ACVR1C: variants seen among roughly 807,000 people sequenced by gnomAD.
The protein encoded by ACVR1C is activin A receptor type 1C, also known as activin receptor type-1C.
A neutral mutation model predicts 57.9 loss-of-function variants in ACVR1C; 23 were observed. The observed-to-expected ratio is 0.40, with a 90% CI of 0.29 to 0.56. The LOEUF is 0.56. Ranked by LOEUF, ACVR1C falls within the 20% of genes least tolerant of loss-of-function variation. The pLI is 0.50. For synonymous variants in ACVR1C, 214 were observed against 215.3 expected (o/e 0.99, Z 0.05); for missense variants, 480 against 607.9 (o/e 0.79, Z 2.21).
intron 8 of ACVR1C, 41 bp from the exon 9 acceptor site, chr2:157,534,084 T>C (rs1422551405): frequency 9.8e-6 from 14 of 1,434,458 alleles, no homozygotes; most frequent in Admixed American, 2.7e-5. Context: ...TTAGCTACTC[T>C]ACATAAAACA....
chr2:157,554,264 AAAGAAAGG>A (rs1194277286), intron 3 of ACVR1C, among the ~76,000 whole-genome samples: 31 of 127,470 alleles, frequency 2.4e-4, no homozygotes, highest in East Asian at 6.3e-4. Context: ...AGAAAGAAAG[AAAGAAAGG>A]AAGGAAGGAA....
Position 157,529,389 on chromosome 2 carries a change from G to C in ACVR1C, c.*4529C>G, listed in dbSNP as rs1215172655. 6.6e-6 allele frequency: 1 copy of C among 152,036 alleles called. No individual in the cohort carries two copies. Among genetic ancestry groups the C allele is most frequent in the Non-Finnish European group, 1.5e-5 (1 of 67,988 alleles). The allele number at this position is 152,036 out of a possible 1,614,324, so 9.4% of individuals were successfully genotyped here. On this transcript the variant is annotated 3_prime_UTR_variant, in exon 9 of 9. Transcript: ENST00000243349. ...CACTCTGAGTGAGTAAATTATTTTA[G>C]TAGAAACCCAAAGAAAAGTGGGATT... is the stretch of plus-strand genomic sequence containing the variant.
chr2:157,584,306 AGGTTAGCCAGGAT>A (rs1013667483), intron 2 of ACVR1C, among the ~76,000 whole-genome samples: 1 of 152,036 alleles, frequency 6.6e-6, no homozygotes, highest in Non-Finnish European at 1.5e-5. Context: ...GGGTTTCACC[AGGTTAGCCAGGAT>A]GGTCTCGATC....
intron 1 of ACVR1C, among the ~76,000 whole-genome samples, chr2:157,603,460 T>G (rs16841890): frequency 0.02 from 3,022 of 152,246 alleles, 126 homozygotes; most frequent in African/African-American, 0.068. Context: ...CTGTAGAGAC[T>G]GCAGATGCAA....
intron 1 of ACVR1C, among the ~76,000 whole-genome samples, chr2:157,620,092 T>C (rs947587898): frequency 3.9e-5 from 6 of 152,084 alleles, no homozygotes; most frequent in African/African-American, 1.4e-4. Context: ...GTCAACTTTC[T>C]TCTCTCTACA....
chr2:157,552,117 T>C (rs1389972168), intron 3 of ACVR1C, among the ~76,000 whole-genome samples: 2 of 152,072 alleles, frequency 1.3e-5, no homozygotes, highest in East Asian at 3.9e-4. Flanking sequence ...CTGTTTTTGT[T>C]TGTTGGTTTG....
At chr2:157,564,907 G>A (rs1688323956) in intron 2 of ACVR1C, among the ~76,000 whole-genome samples, 1 of 152,094 alleles carries the variant, frequency 6.6e-6, no homozygotes, top group Non-Finnish European at 1.5e-5. Flanking sequence ...GTTGAACAAT[G>A]AGAACACATG....
rs1434000366 is a variant in ACVR1C at position 157,628,580 on chromosome 2, A to G, written c.65T>C (p.Leu22Pro). The change falls in exon 1 of 9, where the codon CTC becomes CCC. Residue 22 changes from leucine to proline, a missense_variant. By Grantham distance (98) the Leu-to-Pro change is moderately conservative. Coordinates refer to ENST00000243349, the MANE Select transcript of ACVR1C (RefSeq NM_145259.3). ...AGAAACCAGCACCGTACCTGGCGAG[A>G]GCTCGGCGGCCGCTGCGAGCAGCAG... ...ALLLLAAAAE[L>P]SPGLKCVCLL... 6.2e-7 allele frequency: 1 copy of G among 1,607,532 alleles called. No individual in the cohort carries two copies. The highest frequency in any genetic ancestry group is 8.5e-7 in the Non-Finnish European group (1 of 1,177,638).
At chr2:157,543,782 A>G (rs1217081392) in intron 5 of ACVR1C, among the ~76,000 whole-genome samples, 1 of 152,192 alleles carries the variant, frequency 6.6e-6, no homozygotes, top group African/African-American at 2.4e-5. Flanking sequence ...TTTCAAAATC[A>G]TATTATACTT....
chr2:157,592,539 G>T (rs369953748), intron 1 of ACVR1C, among the ~76,000 whole-genome samples: 1 of 152,006 alleles, frequency 6.6e-6, no homozygotes, highest in Non-Finnish European at 1.5e-5. Context: ...ATTTATTCCA[G>T]TTCAACTGGC....
At chr2:157,556,429 A>C in intron 2 of ACVR1C, 97 bp from the exon 3 acceptor site, 1 of 1,485,490 alleles carries the variant, frequency 6.7e-7, no homozygotes. Flanking sequence ...CATCCAGAAT[A>C]TTCAGCTACA....
In ACVR1C at chr2:157,598,685, G is replaced by T. The variant is rs1682200366; in HGVS notation, c.74-11268C>A. Among the ~76,000 whole-genome samples the T allele has an allele frequency of 2.6e-5, 4 of 151,692 alleles. No homozygotes were observed. In the South Asian group the frequency reaches 8.3e-4, roughly 32 times the overall value. On this transcript the variant is annotated intron_variant, in intron 1 of 8. Coordinates refer to ENST00000243349, the MANE Select transcript of ACVR1C (RefSeq NM_145259.3). ...CTTCCGAGTAGCTGGGATTACAGGC[G>T]CTCACCACCCACCAGGCTAATTTTG... is the stretch of plus-strand genomic sequence containing the variant.
In ACVR1C at chr2:157,556,468, G is replaced by C. The variant is rs1276725483; in HGVS notation, c.305-136C>G. On this transcript the variant is annotated intron_variant, in intron 2 of 8. Transcript: ENST00000243349. ...TATGCACTTATGTTCATTGGTAAAG[G>C]CTCTCTGTGGTATAAGCAAAGATGG... is the stretch of plus-strand genomic sequence containing the variant. 2.6e-6 allele frequency: 3 copies of C among 1,139,170 alleles called. No homozygotes were observed. In the African/African-American group the frequency reaches 4.7e-5, roughly 18 times the overall value. The allele number at this position is 1,139,170 out of a possible 1,614,324, so 70.6% of individuals were successfully genotyped here.
Position 157,533,839 on chromosome 2 carries a change from A to T in ACVR1C, c.*79T>A. On this transcript the variant is annotated 3_prime_UTR_variant, in exon 9 of 9. Transcript: ENST00000243349. ...TTATCTTTGAGGTAGAACAAAAAAAAAATGGCAAAAACATTCACATAAAGG... is the reference window on the plus strand; with the variant it reads ...TTATCTTTGAGGTAGAACAAAAAAATAATGGCAAAAACATTCACATAAAGG... 2 of 1,400,344 alleles carry T rather than the reference A, an allele frequency of 1.4e-6. No individual in the cohort carries two copies. The highest frequency in any genetic ancestry group is 1.9e-6 in the Non-Finnish European group (2 of 1,066,348). The allele number at this position is 1,400,344 out of a possible 1,614,324, so 86.7% of individuals were successfully genotyped here. A position where few individuals can be genotyped will look rare whatever the true frequency, so the allele number is the denominator to read the frequency against.
chr2:157,587,240 G>C lies in ACVR1C; in HGVS notation c.251C>G (p.Thr84Ser), dbSNP rs755701873. The change falls in exon 2 of 9, where the codon ACC becomes AGC. Residue 84 changes from threonine to serine, a missense_variant. Transcript: ENST00000243349. ...FCHSSNNVTK[T>S]ECCFTDFCNN... ...GCAAAAATCTGTGAAGCAGCATTCG[G>C]TTTTGGTAACATTGTTGGAACTATG... is the stretch of plus-strand genomic sequence containing the variant. 6.2e-7 allele frequency: 1 copy of C among 1,613,590 alleles called. No homozygotes were observed. Among genetic ancestry groups the C allele is most frequent in the Non-Finnish European group, 8.5e-7 (1 of 1,179,680 alleles).
rs79504067 is a variant in ACVR1C at position 157,574,963 on chromosome 2, T to C, written c.304+12224A>G. ...ATGTGCCAATTCTGTTTTGTATTTT[T>C]TATTTAATTTTTTTAAGAGACAGGG... is the stretch of plus-strand genomic sequence containing the variant. On this transcript the variant is annotated intron_variant, in intron 2 of 8. Transcript: ENST00000243349. 6.3e-3 allele frequency among the ~76,000 whole-genome samples: 965 copies of C among 152,222 alleles called. 9 individuals are homozygous for C. Among genetic ancestry groups the C allele is most frequent in the African/African-American group, 0.021 (864 of 41,534 alleles).
intron 2 of ACVR1C, among the ~76,000 whole-genome samples, chr2:157,566,231 T>A (rs1688372060): frequency 6.6e-6 from 1 of 152,176 alleles, no homozygotes; most frequent in South Asian, 2.1e-4. Flanking sequence ...CACCCATATC[T>A]CAATCTCTCT....
At chr2:157,550,112 C>T (rs371672406) in intron 4 of ACVR1C, 50 bp downstream of exon 4, 126 of 1,517,894 alleles carry the variant, frequency 8.3e-5, no homozygotes, top group Non-Finnish European at 1.1e-4. Context: ...GACAGAGTCT[C>T]GCTCTAGACA....
chr2:157,533,814 T>C lies in ACVR1C; in HGVS notation c.*104A>G, dbSNP rs1687414886. On this transcript the variant is annotated 3_prime_UTR_variant, in exon 9 of 9. Transcript: ENST00000243349. ...ATGGGCACTTAAATACTGTACTGTC[T>C]TATCTTTGAGGTAGAACAAAAAAAA... 2 of 1,242,826 alleles carry C rather than the reference T, an allele frequency of 1.6e-6. No homozygotes were observed. The highest frequency in any genetic ancestry group is 1.6e-5 in the African/African-American group (1 of 64,286). 77.0% of individuals were successfully genotyped at this position (1,242,826 alleles called of 1,614,324 possible).
Sources: gnomAD v4.1 joint callset for allele counts (sites outside exome capture counted in the v4.1 genomes callset) on GRCh38, gnomAD v4.1.1 for gene constraint, MANE v1.5 for transcripts, NCBI Gene and HGNC (gene_info 2026-07-23, HGNC 2026-07-21) for gene names.